MAGI1: variants seen among roughly 807,000 people sequenced by gnomAD.
MAGI1 encodes the protein membrane associated guanylate kinase, WW and PDZ domain containing 1, also known as membrane-associated guanylate kinase, WW and PDZ domain-containing protein 1.
Under a neutral mutation model 139.9 loss-of-function variants are expected in MAGI1, and 58 were observed. The observed-to-expected ratio is 0.41, with a 90% CI of 0.34 to 0.52. MAGI1 has a LOEUF of 0.52. Ranked by LOEUF, MAGI1 falls within the 20% of genes least tolerant of loss-of-function variation. MAGI1 has a pLI of 0.12. For missense variants in MAGI1, 1,874 were observed against 1,901.6 expected (o/e 0.99, Z 0.27); for synonymous variants, 812 against 737.9 (o/e 1.10, Z -1.63).
At chr3:65,933,184 A>G (rs2062882042) in intron 1 of MAGI1, among the ~76,000 whole-genome samples, 1 of 152,194 alleles carries the variant, frequency 6.6e-6, no homozygotes, top group South Asian at 2.1e-4. Flanking sequence ...GTCCAGAGAG[A>G]ATGCAAAATG....
At chr3:65,606,510 A>G (rs777102935) in intron 2 of MAGI1, among the ~76,000 whole-genome samples, 1 of 147,834 alleles carries the variant, frequency 6.8e-6, no homozygotes, top group Admixed American at 6.7e-5. Context: ...CCGGATGTTT[A>G]TTTATTTATT....
intron 2 of MAGI1, among the ~76,000 whole-genome samples, chr3:65,602,211 A>G (rs1459150416): frequency 6.6e-6 from 1 of 152,216 alleles, no homozygotes; most frequent in East Asian, 1.9e-4. Context: ...GTATACAGCC[A>G]AGAGAAATAA....
chr3:65,487,361 G>A (rs1297890495), intron 3 of MAGI1, among the ~76,000 whole-genome samples: 1 of 152,116 alleles, frequency 6.6e-6, no homozygotes, highest in Non-Finnish European at 1.5e-5. Context: ...CTTTTGTTCA[G>A]CATTTTATCT....
intron 1 of MAGI1, among the ~76,000 whole-genome samples, chr3:65,936,645 G>A (rs1430402329): frequency 6.6e-6 from 1 of 151,966 alleles, no homozygotes; most frequent in African/African-American, 2.4e-5. Flanking sequence ...CATCAGGAAG[G>A]TGGGTACATT....
At chr3:65,652,726 G>A (rs922093539) in intron 1 of MAGI1, among the ~76,000 whole-genome samples, 3 of 152,086 alleles carry the variant, frequency 2.0e-5, no homozygotes, top group Non-Finnish European at 2.9e-5. Context: ...GGAATCACCT[G>A]AGTTTTAGTA....
At chr3:65,523,599 G>C (rs796989413) in intron 2 of MAGI1, among the ~76,000 whole-genome samples, 1 of 152,178 alleles carries the variant, frequency 6.6e-6, no homozygotes, top group East Asian at 1.9e-4. Context: ...CTGTTCCATG[G>C]AGTGTTAGAT....
At chr3:65,725,085 A>T in intron 1 of MAGI1, among the ~76,000 whole-genome samples, 1 of 152,170 alleles carries the variant, frequency 6.6e-6, no homozygotes, top group East Asian at 1.9e-4. Context: ...AGTCAAAAAA[A>T]CTCAATATTT....
At chr3:65,406,812 T>TATAC (rs1553640551) in intron 12 of MAGI1, among the ~76,000 whole-genome samples, 1 of 151,604 alleles carries the variant, frequency 6.6e-6, no homozygotes, top group Non-Finnish European at 1.5e-5. Context: ...TCTCTATATA[T>TATAC]ATATATCGAG....
chr3:65,979,847 C>T lies in MAGI1; in HGVS notation c.313+58149G>A, dbSNP rs537129754. 2.6e-5 allele frequency among the ~76,000 whole-genome samples: 4 copies of T among 152,298 alleles called. No individual in the cohort carries two copies. The South Asian group carries it at 8.3e-4, about 32-fold the overall frequency. ...AGACCAAAAATTCAGAATCAGTCTT[C>T]TCAATAAACTGTGAGCTCAGCAATA... On this transcript the variant is annotated intron_variant, in intron 1 of 22. Transcript: ENST00000402939.
At chr3:65,933,495 A>G (rs889281512) in intron 1 of MAGI1, among the ~76,000 whole-genome samples, 2 of 152,214 alleles carry the variant, frequency 1.3e-5, no homozygotes, top group African/African-American at 4.8e-5. Context: ...GATCCAAGAA[A>G]GCAAGGCAGA....
In MAGI1 at chr3:65,423,382, G is replaced by GCACACACACACACA. The variant is rs374242651; in HGVS notation, c.2167+6137_2167+6138insTGTGTGTGTGTGTG. On this transcript the variant is annotated intron_variant, in intron 12 of 22. Transcript: ENST00000402939. ...GAAAAACACACGTGCGTGCACACAC[G>GCACACACACACACA]CGCACACACACACACACAGAGAAGA... Among the ~76,000 whole-genome samples, 4 of 141,124 alleles carry GCACACACACACACA rather than the reference G, an allele frequency of 2.8e-5. 1 individual carries two copies. In the South Asian group the frequency reaches 6.6e-4, roughly 23 times the overall value. 92.6% of individuals were successfully genotyped at this position (141,124 alleles called of 152,430 possible). A position where few individuals can be genotyped will look rare whatever the true frequency, so the allele number is the denominator to read the frequency against.
At chr3:65,723,082 C>G (rs1260396293) in intron 1 of MAGI1, among the ~76,000 whole-genome samples, 1 of 152,058 alleles carries the variant, frequency 6.6e-6, no homozygotes, top group African/African-American at 2.4e-5. Flanking sequence ...TGTCATCATA[C>G]AGGTCAGAAA....
chr3:65,445,896 C>G (rs937225591), intron 7 of MAGI1, among the ~76,000 whole-genome samples: 2 of 152,192 alleles, frequency 1.3e-5, no homozygotes, highest in African/African-American at 4.8e-5. Context: ...CACTGAAAAC[C>G]TGACAGTTGC....
Position 65,442,999 on chromosome 3 carries a change from T to C in MAGI1, c.1079-150A>G, listed in dbSNP as rs1948449858. 3 of 507,218 alleles carry C rather than the reference T, an allele frequency of 5.9e-6. No homozygotes were observed. In the Admixed American group the frequency reaches 9.9e-5, roughly 17 times the overall value. 31.4% of individuals were successfully genotyped at this position (507,218 alleles called of 1,614,324 possible). A position where few individuals can be genotyped will look rare whatever the true frequency, so the allele number is the denominator to read the frequency against. ...TATATCCTAACCAAAAAAAAAAAAG[T>C]ATCTATTATTTTATAAGTGTATTTT... On this transcript the variant is annotated intron_variant, in intron 7 of 22. Coordinates refer to ENST00000402939, the MANE Select transcript of MAGI1 (RefSeq NM_001033057.2).
intron 1 of MAGI1, among the ~76,000 whole-genome samples, chr3:65,919,342 C>T (rs1274161725): frequency 2.0e-5 from 3 of 152,104 alleles, no homozygotes; most frequent in Admixed American, 6.6e-5. Context: ...GCAGGACGAT[C>T]GTTTGAGCCC....
At chr3:65,971,996 A>G (rs1190393497) in intron 1 of MAGI1, among the ~76,000 whole-genome samples, 1 of 152,216 alleles carries the variant, frequency 6.6e-6, no homozygotes, top group Non-Finnish European at 1.5e-5. Flanking sequence ...TTAGCCAGGG[A>G]TGAGAGAACT....
intron 12 of MAGI1, among the ~76,000 whole-genome samples, chr3:65,424,575 T>C (rs912177445): frequency 6.6e-6 from 1 of 152,132 alleles, no homozygotes; most frequent in Non-Finnish European, 1.5e-5. Flanking sequence ...CAAAAGCCAG[T>C]GGGAGATGGC....
intron 1 of MAGI1, among the ~76,000 whole-genome samples, chr3:65,959,638 TTA>T (rs1262595647): frequency 6.9e-6 from 1 of 144,408 alleles, no homozygotes; most frequent in African/African-American, 2.5e-5. Context: ...ATTATTATTA[TTA>T]TTATTATTGA....
chr3:65,556,000 A>G (rs1183018083), intron 2 of MAGI1, among the ~76,000 whole-genome samples: 1 of 152,210 alleles, frequency 6.6e-6, no homozygotes, highest in Non-Finnish European at 1.5e-5. Flanking sequence ...ATTTTATGAC[A>G]CGTTATGCTT....
Sources: allele counts gnomAD v4.1 joint callset (sites outside exome capture counted in the v4.1 genomes callset), GRCh38; gene constraint gnomAD v4.1.1; transcripts MANE v1.5; gene names NCBI Gene and HGNC (gene_info 2026-07-23, HGNC 2026-07-21).